The following RNF40 variants were observed in gnomAD, a reference collection of about 807,000 sequenced individuals.
The protein encoded by RNF40 is ring finger protein 40.
A neutral mutation model predicts 123.3 loss-of-function variants in RNF40; 39 were observed. The observed-to-expected ratio is 0.32, with a 90% CI of 0.24 to 0.41. RNF40 has a LOEUF of 0.41. RNF40 is among the 10% of genes least tolerant of loss of function. The pLI is 1.00. For missense variants in RNF40, 1,003 were observed against 1,319.9 expected (o/e 0.76, Z 3.72); for synonymous variants, 538 against 526.0 (o/e 1.02, Z -0.31).
intron 3 of RNF40, 24 bp from the exon 4 acceptor site, chr16:30,763,394 A>C (rs920262587): frequency 2.5e-6 from 4 of 1,597,826 alleles, no homozygotes; most frequent in Non-Finnish European, 3.4e-6. Flanking sequence ...GATTCATAAC[A>C]TTTTTGATGT....
Position 30,774,637 on chromosome 16 carries a change from G to A in RNF40, c.*523G>A, listed in dbSNP as rs939430908. On this transcript the variant is annotated 3_prime_UTR_variant, in exon 20 of 20. Coordinates refer to ENST00000324685, the MANE Select transcript of RNF40 (RefSeq NM_014771.4). ...GGCTTCTGTCCTGTGGAGTTCCCTG[G>A]ACACCTTGGTCTGGCTCTTGTGCCA... 23 of 282,100 alleles carry A rather than the reference G, an allele frequency of 8.2e-5. 1 individual carries two copies. The highest frequency in any genetic ancestry group is 1.6e-4 in the Non-Finnish European group (23 of 143,590). 17.5% of individuals were successfully genotyped at this position (282,100 alleles called of 1,614,324 possible).
chr16:30,762,269 C>T, upstream of RNF40: 1 of 437,546 alleles, frequency 2.3e-6, no homozygotes, highest in Admixed American at 4.5e-5. Flanking sequence ...CTGCGCCCTG[C>T]GCACCGTTGG....
At chr16:30,762,952 A>G (rs1012875937) in intron 2 of RNF40, among the ~76,000 whole-genome samples, 166 bp from the exon 3 acceptor site, 3 of 152,204 alleles carry the variant, frequency 2.0e-5, no homozygotes, top group Non-Finnish European at 4.4e-5. Context: ...CAACAAAGAC[A>G]CTTTCGCTGT....
chr16:30,769,110 G>C (rs1452446687), intron 15 of RNF40, 76 bp from the exon 16 acceptor site: 3 of 1,597,266 alleles, frequency 1.9e-6, no homozygotes, highest in Non-Finnish European at 2.6e-6. Flanking sequence ...TTGCTTCGCT[G>C]CGTTTTCCCA....
Position 30,765,000 on chromosome 16 carries a change from C to G in RNF40, c.712C>G (p.Arg238Gly). 6.2e-7 allele frequency: 1 copy of G among 1,613,798 alleles called. No individual in the cohort carries two copies. The highest frequency in any genetic ancestry group is 8.5e-7 in the Non-Finnish European group (1 of 1,180,032). The change falls in exon 6 of 20, where the codon CGG becomes GGG. Residue 238 changes from arginine to glycine, a missense_variant. Arg to Gly is a moderately radical substitution (Grantham distance 125). Coordinates refer to ENST00000324685, the MANE Select transcript of RNF40 (RefSeq NM_014771.4). The stretch of plus-strand genomic sequence containing the variant: ...CACCCGAGAGCTGGGCCGTGAGAAC[C>G]GGCGACTGCAGGACTTGGCCACTCA... The part of the protein sequence containing the change: ...AHTRELGREN[R>G]RLQDLATQLQ...
chr16:30,762,137 A>C, upstream of RNF40: 2 of 321,868 alleles, frequency 6.2e-6, no homozygotes, highest in Non-Finnish European at 1.1e-5. Context: ...CTCTTGGCCA[A>C]TCACCGAGAG....
Position 30,762,380 on chromosome 16 carries a change from G to C in RNF40, c.-72+20G>C, listed in dbSNP as rs1013246526. Reference sequence around the variant, plus strand: ...CTGCTGGTGAGGGCTCTGGCGCCGGGGGGGACGGGATCCAGCAGGTGTGTG... The same window carrying C: ...CTGCTGGTGAGGGCTCTGGCGCCGGCGGGGACGGGATCCAGCAGGTGTGTG... On this transcript the variant is annotated intron_variant, in intron 1 of 19. Transcript: ENST00000324685. 11 of 696,608 alleles carry C rather than the reference G, an allele frequency of 1.6e-5. No homozygotes were observed. Among genetic ancestry groups the C allele is most frequent in the Admixed American group, 1.2e-4 (3 of 25,870 alleles). The allele number at this position is 696,608 out of a possible 1,614,324, so 43.2% of individuals were successfully genotyped here. A position where few individuals can be genotyped will look rare whatever the true frequency, so the allele number is the denominator to read the frequency against.
chr16:30,772,351 T>C, intron 19 of RNF40, 161 bp downstream of exon 19: 1 of 716,454 alleles, frequency 1.4e-6, no homozygotes, highest in Non-Finnish European at 2.5e-6. Context: ...GTACATGTAC[T>C]GTGAGCCAGG....
chr16:30,767,700 C>T (rs1253404575), intron 11 of RNF40, 194 bp from the exon 12 acceptor site: 7 of 593,970 alleles, frequency 1.2e-5, no homozygotes, highest in East Asian at 2.8e-5. Context: ...TATGAATAGG[C>T]AGTGTCAAGT....
At chr16:30,762,797 C>G in intron 2 of RNF40, 120 bp downstream of exon 2, 1 of 1,306,030 alleles carries the variant, frequency 7.7e-7, no homozygotes, top group Non-Finnish European at 1.1e-6. Flanking sequence ...CGTTACAGGA[C>G]CTTGAAAGAA....
chr16:30,763,727 C>CT (rs1287961199), intron 4 of RNF40, among the ~76,000 whole-genome samples, 168 bp downstream of exon 4: 1 of 152,234 alleles, frequency 6.6e-6, no homozygotes, highest in Non-Finnish European at 1.5e-5. Context: ...GCTTTAGACT[C>CT]TGACTAACTT....
At chr16:30,763,053 C>T (rs776329111) in intron 2 of RNF40, 65 bp from the exon 3 acceptor site, 61 of 1,578,182 alleles carry the variant, frequency 3.9e-5, no homozygotes, top group Non-Finnish European at 5.0e-5. Flanking sequence ...TCCTCTTTCT[C>T]TCTCTGTGAT....
At chr16:30,773,306 A>G (rs2054179293) in intron 19 of RNF40, among the ~76,000 whole-genome samples, 1 of 152,126 alleles carries the variant, frequency 6.6e-6, no homozygotes, top group Middle Eastern at 3.2e-3. Flanking sequence ...GCTGGTGTGT[A>G]GGGTCCTGGG....
chr16:30,770,396 A>G (rs1227200352), intron 17 of RNF40, among the ~76,000 whole-genome samples: 2 of 152,004 alleles, frequency 1.3e-5, no homozygotes, highest in African/African-American at 4.8e-5. Context: ...AGCGTGAGCC[A>G]CTGCACCTGG....
intron 15 of RNF40, 99 bp downstream of exon 15, chr16:30,769,086 C>T: frequency 6.3e-7 from 1 of 1,592,774 alleles, no homozygotes; most frequent in African/African-American, 1.3e-5. Flanking sequence ...GATCTGGGTC[C>T]CCTCTGTAGT....
rs763827181 is a variant in RNF40, at chr16:30,768,066, C to T, written c.1552-37C>T. 1.1e-5 allele frequency: 17 copies of T among 1,613,756 alleles called. No individual in the cohort carries two copies. Among genetic ancestry groups the T allele is most frequent in the Admixed American group, 1.7e-5 (1 of 59,998 alleles). On this transcript the variant is annotated intron_variant, in intron 12 of 19. Coordinates refer to ENST00000324685, the MANE Select transcript of RNF40 (RefSeq NM_014771.4). The surrounding 1 kb of genome is among the most constrained non-coding windows in gnomAD (Gnocchi z 4.1). The stretch of plus-strand genomic sequence containing the variant: ...GGTTTGGCTAGACTCCAGTGAACAC[C>T]ATCTGACTTCATCCCTCTTCCTCTC...
chr16:30,769,012 G>A (rs745629628), intron 15 of RNF40, 25 bp downstream of exon 15: 25 of 1,613,434 alleles, frequency 1.5e-5, no homozygotes, highest in Admixed American at 8.3e-5. Context: ...GTGCCCTCGC[G>A]TCGGAGCGCA....
rs2054084826 is a variant in RNF40, at chr16:30,768,619, G to C, written c.1980G>C (p.Lys660Asn). The change falls in exon 14 of 20, where the codon AAG becomes AAC. Residue 660 changes from lysine (K) to asparagine (N), a missense_variant and splice_region_variant. Around this residue, in one of 11 missense-constraint regions of RNF40, gnomAD observed 295 missense variants for 331.7 expected, o/e 0.89. Coordinates refer to ENST00000324685, the MANE Select transcript of RNF40 (RefSeq NM_014771.4). The surrounding 1 kb of genome is among the most constrained non-coding windows in gnomAD (Gnocchi z 4.1). The part of the protein sequence containing the change: ...ELLKGLRAEL[K>N]KAQESQKEMK... ...ACTTCCTCCTGTACCTTCTTGCCAGGAAGGCCCAGGAGAGCCAGAAGGAGA... is the reference window on the plus strand; with the variant it reads ...ACTTCCTCCTGTACCTTCTTGCCAGCAAGGCCCAGGAGAGCCAGAAGGAGA... The C allele has an allele frequency of 1.2e-6, 2 of 1,614,180 alleles. No individual in the cohort carries two copies. The highest frequency in any genetic ancestry group is 1.7e-6 in the Non-Finnish European group (2 of 1,180,034).
At chr16:30,773,200 A>T (rs543311804) in intron 19 of RNF40, among the ~76,000 whole-genome samples, 2 of 152,256 alleles carry the variant, frequency 1.3e-5, no homozygotes, top group East Asian at 3.9e-4. Flanking sequence ...GAAGCCACAT[A>T]TGACTTGGTC....
Sources: gnomAD v4.1 joint callset for allele counts (sites outside exome capture counted in the v4.1 genomes callset) on GRCh38, gnomAD v4.1.1 for gene constraint, gnomAD v4.1.1 regional missense constraint, Gnocchi (gnomAD v3.1) non-coding constraint, MANE v1.5 for transcripts, NCBI Gene and HGNC (gene_info 2026-07-23, HGNC 2026-07-21) for gene names.